Variants in LINGO2 observed in about 807,000 individuals in gnomAD.
The protein encoded by LINGO2 is leucine rich repeat and Ig domain containing 2, also known as leucine-rich repeat and immunoglobulin-like domain-containing nogo receptor-interacting protein 2.
In LINGO2, 14 loss-of-function variants were observed where a neutral mutation model predicts 30.6. That is an observed-to-expected ratio of 0.46 (90% confidence interval 0.30 to 0.72). The LOEUF is 0.72. LINGO2 is among the 30% of genes least tolerant of loss of function. The probability of loss-of-function intolerance (pLI) is 0.07; values close to 1 mark genes in which losing one functional copy is unlikely to be tolerated. For missense variants in LINGO2, 729 were observed against 751.7 expected, an observed-to-expected ratio of 0.97 and a Z score of 0.35; for synonymous variants, 317 against 288.5, an observed-to-expected ratio of 1.10 and a Z score of -1.00.
At chr9:29,143,048 T>A in the LINGO2 span, among the ~76,000 whole-genome samples, 1 of 122,898 alleles carries the variant, frequency 8.1e-6, no homozygotes, top group Non-Finnish European at 1.7e-5. Context: ...TTCATAGTAG[T>A]GAGAAAAAAA....
intron 1 of LINGO2, among the ~76,000 whole-genome samples, chr9:28,476,334 G>A (rs1460958261): frequency 6.6e-6 from 1 of 152,146 alleles, no homozygotes; most frequent in Non-Finnish European, 1.5e-5. Flanking sequence ...GGAGTGCAGT[G>A]ACACAATGTC....
At chr9:28,288,595 A>G (rs1277347089) in intron 4 of LINGO2, among the ~76,000 whole-genome samples, 1 of 152,110 alleles carries the variant, frequency 6.6e-6, no homozygotes, top group African/African-American at 2.4e-5. Flanking sequence ...ACTTGAGGAC[A>G]GGGCGGGGAG....
chr9:28,725,837 C>T, the LINGO2 span, among the ~76,000 whole-genome samples: 970 of 151,852 alleles, frequency 6.4e-3, 24 homozygotes, highest in East Asian at 0.036. Context: ...TAAAGAAATA[C>T]AAAATGTGCG....
At chr9:28,776,414 C>A in the LINGO2 span, among the ~76,000 whole-genome samples, 1 of 152,204 alleles carries the variant, frequency 6.6e-6, no homozygotes, top group East Asian at 1.9e-4. Context: ...TTTAATTGTT[C>A]TGCCTGTCCT....
chr9:27,997,966 G>C (rs569377215), intron 5 of LINGO2, among the ~76,000 whole-genome samples: 104 of 151,946 alleles, frequency 6.8e-4, no homozygotes, highest in Middle Eastern at 3.4e-3. Context: ...GGGTGGGAGG[G>C]GGGGAGGTGG....
At chr9:28,592,178 CA>C (rs1359216784) in intron 1 of LINGO2, among the ~76,000 whole-genome samples, 4 of 151,952 alleles carry the variant, frequency 2.6e-5, no homozygotes, top group Non-Finnish European at 5.9e-5. Context: ...ATAAGCCCTT[CA>C]AAGTAGACAT....
chr9:28,051,613 C>G (rs1000820467), intron 4 of LINGO2, among the ~76,000 whole-genome samples: 1 of 152,056 alleles, frequency 6.6e-6, no homozygotes, highest in Non-Finnish European at 1.5e-5. Context: ...CGATCTCATT[C>G]AATCTTCACA....
the LINGO2 span, among the ~76,000 whole-genome samples, chr9:28,928,729 T>G: frequency 2.0e-5 from 3 of 152,166 alleles, no homozygotes; most frequent in Non-Finnish European, 4.4e-5. Context: ...TAATTCTTTT[T>G]TTTGTTTGTT....
the LINGO2 span, among the ~76,000 whole-genome samples, chr9:28,989,552 T>C: frequency 1.3e-5 from 2 of 152,184 alleles, no homozygotes; most frequent in Non-Finnish European, 2.9e-5. Context: ...ATTCACTATA[T>C]GATTTTAGGC....
the LINGO2 span, among the ~76,000 whole-genome samples, chr9:29,022,355 ACACT>A: frequency 6.6e-6 from 1 of 152,156 alleles, no homozygotes; most frequent in Admixed American, 6.6e-5. Context: ...GCTTTCCCTC[ACACT>A]CACGCAGAAT....
the LINGO2 span, among the ~76,000 whole-genome samples, chr9:29,069,843 T>A: frequency 6.6e-6 from 1 of 152,046 alleles, no homozygotes; most frequent in Non-Finnish European, 1.5e-5. Context: ...CTATTTTTAA[T>A]AGATAGCCAG....
At chr9:29,158,898 C>T in the LINGO2 span, among the ~76,000 whole-genome samples, 3 of 152,122 alleles carry the variant, frequency 2.0e-5, no homozygotes, top group African/African-American at 7.2e-5. Flanking sequence ...CCCATGTCCT[C>T]ATTTCTTTTG....
intron 2 of LINGO2, among the ~76,000 whole-genome samples, chr9:28,374,645 G>C (rs1821049703): frequency 6.6e-6 from 1 of 151,998 alleles, no homozygotes; most frequent in Non-Finnish European, 1.5e-5. Flanking sequence ...TTCCTCCTTA[G>C]CTCAGCAGTA....
At chr9:28,431,026 T>G (rs1024625928) in intron 2 of LINGO2, among the ~76,000 whole-genome samples, 7 of 59,254 alleles carry the variant, frequency 1.2e-4, no homozygotes, top group Admixed American at 7.1e-4. Flanking sequence ...ACAGCATGAG[T>G]GATGAGAGAG....
the LINGO2 span, among the ~76,000 whole-genome samples, chr9:29,189,677 T>G: frequency 6.6e-6 from 1 of 151,618 alleles, no homozygotes; most frequent in Non-Finnish European, 1.5e-5. Context: ...TGGGAGGTGG[T>G]TGTAGCGAGC....
chr9:28,331,922 A>T (rs1825434719), intron 3 of LINGO2, among the ~76,000 whole-genome samples: 1 of 152,202 alleles, frequency 6.6e-6, no homozygotes. Context: ...CTCCAACTTC[A>T]TGACATCTCT....
At chr9:28,420,541 C>A (rs1244584361) in intron 2 of LINGO2, among the ~76,000 whole-genome samples, 1 of 152,018 alleles carries the variant, frequency 6.6e-6, no homozygotes, top group Non-Finnish European at 1.5e-5. Context: ...CATATGCATA[C>A]CATTGTTTGT....
chr9:28,365,309 C>A (rs933907842), intron 3 of LINGO2, among the ~76,000 whole-genome samples: 1 of 152,024 alleles, frequency 6.6e-6, no homozygotes, highest in Non-Finnish European at 1.5e-5. Flanking sequence ...AAAATGTCAC[C>A]TGGGCCAGAT....
intron 1 of LINGO2, among the ~76,000 whole-genome samples, chr9:28,512,066 G>A (rs575567276): frequency 6.6e-6 from 1 of 152,242 alleles, no homozygotes; most frequent in Admixed American, 6.5e-5. Context: ...ATGGGCATTT[G>A]AGCCACTTCC....
Sources: allele counts gnomAD v4.1 joint callset (sites outside exome capture counted in the v4.1 genomes callset), GRCh38; gene constraint gnomAD v4.1.1; transcripts MANE v1.5; gene names NCBI Gene and HGNC (gene_info 2026-07-23, HGNC 2026-07-21).